Variants in SAXO1 observed in about 807,000 individuals in gnomAD.
SAXO1 encodes 4930500O09Rik.
In SAXO1, 21 loss-of-function variants were observed where a neutral mutation model predicts 17.5. The observed-to-expected ratio is 1.20, with a 90% CI of 0.85 to 1.72. The LOEUF (loss-of-function observed/expected upper bound fraction) is 1.72. Among genes scored for constraint, SAXO1 ranks in the 40% most tolerant of loss-of-function variants. The pLI, the probability that SAXO1 is intolerant of heterozygous loss-of-function variation, is 0.00. For synonymous variants in SAXO1, 274 were observed against 216.5 expected (o/e 1.27, Z -2.33); for missense variants, 843 against 596.0 (o/e 1.41, Z -4.32).
At chr9:18,936,670 C>A (rs1472065212) in intron 3 of SAXO1, among the ~76,000 whole-genome samples, 1 of 152,156 alleles carries the variant, frequency 6.6e-6, no homozygotes, top group Non-Finnish European at 1.5e-5. Context: ...TATTCATATG[C>A]CAGTAAAGCC....
chr9:18,928,081 T>A lies in SAXO1; in HGVS notation c.1396A>T (p.Asn466Tyr), dbSNP rs773217728. 1 of 1,608,386 alleles carries A rather than the reference T, an allele frequency of 6.2e-7. No individual in the cohort carries two copies. The highest frequency in any genetic ancestry group is 1.3e-5 in the African/African-American group (1 of 74,950). ...HLSVDDSENPNQRELEVLA is the reference protein window; with the variant it reads ...HLSVDDSENPYQRELEVLA Reference sequence around the variant, plus strand: ...GCTAACACTTCCAACTCCCTCTGGTTGGGGTTTTCTGAATCATCTACAGAA... The same window carrying A: ...GCTAACACTTCCAACTCCCTCTGGTAGGGGTTTTCTGAATCATCTACAGAA... Residue 466 changes from asparagine to tyrosine, a missense_variant, in exon 4 of 4, where the codon AAC becomes TAC. By Grantham distance (143) the Asn-to-Tyr change is moderately radical (BLOSUM62 -2). Transcript: ENST00000380534.
rs569663905 is a variant in SAXO1 at position 18,985,799 on chromosome 9, C to A, written c.39-34862G>T. On this transcript the variant is annotated intron_variant, in intron 1 of 3. Coordinates refer to ENST00000380534, the MANE Select transcript of SAXO1 (RefSeq NM_153707.4). Reference sequence around the variant, plus strand: ...TACATTCCTTAGCAAAACATAATTTCTTTAAAAACACATAGACTGCATTAC... The same window carrying A: ...TACATTCCTTAGCAAAACATAATTTATTTAAAAACACATAGACTGCATTAC... 1.1e-4 allele frequency among the ~76,000 whole-genome samples: 16 copies of A among 152,346 alleles called. No homozygotes were observed. In the East Asian group the frequency reaches 3.1e-3, roughly 29 times the overall value.
chr9:18,994,635 G>A (rs867767795), intron 1 of SAXO1, among the ~76,000 whole-genome samples: 1 of 152,332 alleles, frequency 6.6e-6, no homozygotes, highest in African/African-American at 2.4e-5. Context: ...CCCGGGAAAT[G>A]GAAACCGCCT....
intron 1 of SAXO1, among the ~76,000 whole-genome samples, chr9:18,985,286 T>C (rs1588481248): frequency 6.6e-6 from 1 of 152,034 alleles, no homozygotes; most frequent in Admixed American, 6.6e-5. Flanking sequence ...GACATAATAA[T>C]TAAAAAGCTT....
At chr9:18,936,363 C>G (rs1181660082) in intron 3 of SAXO1, among the ~76,000 whole-genome samples, 1 of 152,104 alleles carries the variant, frequency 6.6e-6, no homozygotes, top group Non-Finnish European at 1.5e-5. Context: ...TCCTGCCCAC[C>G]CCGGCCCCCA....
chr9:19,004,912 A>C (rs1834426426), intron 1 of SAXO1, among the ~76,000 whole-genome samples: 1 of 152,040 alleles, frequency 6.6e-6, no homozygotes, highest in Non-Finnish European at 1.5e-5. Context: ...AATTCTAAAA[A>C]CTCTTTGAAC....
At chr9:18,941,432 G>A (rs1831551947) in intron 3 of SAXO1, among the ~76,000 whole-genome samples, 1 of 151,800 alleles carries the variant, frequency 6.6e-6, no homozygotes. Context: ...ATATCCTTTT[G>A]ATTTGTTTTT....
chr9:18,930,655 G>A (rs537002202), intron 3 of SAXO1, among the ~76,000 whole-genome samples: 35 of 152,196 alleles, frequency 2.3e-4, no homozygotes, highest in Admixed American at 7.2e-4. Context: ...ATGTGCCACC[G>A]CACCCGGCTA....
chr9:19,017,914 T>G (rs1835055647), intron 1 of SAXO1, among the ~76,000 whole-genome samples: 1 of 152,178 alleles, frequency 6.6e-6, no homozygotes, highest in African/African-American at 2.4e-5. Context: ...ACGCTTGTAA[T>G]CCCAACAATT....
chr9:19,013,901 A>G (rs572612479), intron 1 of SAXO1, among the ~76,000 whole-genome samples: 1 of 152,272 alleles, frequency 6.6e-6, no homozygotes, highest in South Asian at 2.1e-4. Flanking sequence ...TGCACTTTTT[A>G]GAAAAAATAT....
chr9:18,997,760 T>C (rs1373187074), intron 1 of SAXO1, among the ~76,000 whole-genome samples: 3 of 152,166 alleles, frequency 2.0e-5, no homozygotes, highest in African/African-American at 7.2e-5. Context: ...AGGATGAAGC[T>C]TCCAGAGGAA....
chr9:19,023,794 AGGG>A (rs1835350737), intron 1 of SAXO1, among the ~76,000 whole-genome samples: 1 of 21,770 alleles, frequency 4.6e-5, no homozygotes, highest in African/African-American at 4.1e-4. Flanking sequence ...GAAGGAAGGG[AGGG>A]AGGAAAGCAA....
intron 3 of SAXO1, among the ~76,000 whole-genome samples, chr9:18,933,871 C>A (rs1044691202): frequency 1.1e-4 from 16 of 152,036 alleles, no homozygotes; most frequent in African/African-American, 3.6e-4. Context: ...ATGGTGAAAC[C>A]CTGTCTCTAC....
intron 1 of SAXO1, among the ~76,000 whole-genome samples, chr9:18,985,765 C>T (rs757925954): frequency 6.6e-6 from 1 of 152,200 alleles, no homozygotes; most frequent in Non-Finnish European, 1.5e-5. Context: ...CATGGTTTAA[C>T]AATTTTGATA....
intron 1 of SAXO1, among the ~76,000 whole-genome samples, chr9:19,030,744 C>G (rs1835727237): frequency 6.6e-6 from 1 of 151,954 alleles, no homozygotes; most frequent in Non-Finnish European, 1.5e-5. Context: ...ATTCAATGTT[C>G]TGTTTGAGGG....
Position 18,932,557 on chromosome 9 carries a change from T to C in SAXO1, c.422-3502A>G, listed in dbSNP as rs1831100965. On this transcript the variant is annotated intron_variant, in intron 3 of 3. Coordinates refer to ENST00000380534, the MANE Select transcript of SAXO1 (RefSeq NM_153707.4). Reference sequence around the variant, plus strand: ...TAAAACCTAAAATTACTTTGCCAAGTTCTAAAAAGGAAAAGGAGCCTTCTG... The same window carrying C: ...TAAAACCTAAAATTACTTTGCCAAGCTCTAAAAAGGAAAAGGAGCCTTCTG... Among the ~76,000 whole-genome samples the C allele has an allele frequency of 2.0e-5, 3 of 152,250 alleles. No individual in the cohort carries two copies. The South Asian group carries it at 6.2e-4, about 31-fold the overall frequency.
At chr9:18,935,449 G>T (rs796494546) in intron 3 of SAXO1, among the ~76,000 whole-genome samples, 34 of 152,246 alleles carry the variant, frequency 2.2e-4, no homozygotes, top group African/African-American at 7.5e-4. Flanking sequence ...GGATGATTAG[G>T]GATGATAAGT....
At chr9:18,960,657 C>A (rs1832447253) in intron 1 of SAXO1, among the ~76,000 whole-genome samples, 1 of 152,060 alleles carries the variant, frequency 6.6e-6, no homozygotes, top group South Asian at 2.1e-4. Context: ...GTGGCATGTG[C>A]CTGTAGTCCC....
chr9:18,928,218 C>T lies in SAXO1; in HGVS notation c.1259G>A (p.Cys420Tyr). The change falls in exon 4 of 4, where the codon TGC becomes TAC. Residue 420 changes from cysteine to tyrosine, a missense_variant. By Grantham distance (194) the Cys-to-Tyr change is radical (BLOSUM62 -2). Coordinates refer to ENST00000380534, the MANE Select transcript of SAXO1 (RefSeq NM_153707.4). ...AGGAGGCTCAGGATATGAAGCTAGG[C>T]ACCTGCCCATTTCCTTGGGAGTAAA... ...ISFTPKEMGR[C>Y]LASYPEPPGY... 3 of 1,614,156 alleles carry T rather than the reference C, an allele frequency of 1.9e-6. No homozygotes were observed. Among genetic ancestry groups the T allele is most frequent in the Non-Finnish European group, 2.5e-6 (3 of 1,180,032 alleles).
Sources: gnomAD v4.1 joint callset for allele counts (sites outside exome capture counted in the v4.1 genomes callset) on GRCh38, gnomAD v4.1.1 for gene constraint, MANE v1.5 for transcripts, NCBI Gene and HGNC (gene_info 2026-07-23, HGNC 2026-07-21) for gene names.